Variants in ASCC3 observed in about 807,000 individuals in gnomAD.
ASCC3 encodes activating signal cointegrator 1 complex subunit 3.
ASCC3 carries 158 observed loss-of-function variants against 256.3 expected under a neutral mutation model. The observed-to-expected ratio is 0.62, with a 90% CI of 0.54 to 0.70. ASCC3 has a LOEUF of 0.70. Among genes scored for constraint, ASCC3 ranks in the 30% least tolerant of loss-of-function variants. The pLI, the probability that ASCC3 is intolerant of heterozygous loss-of-function variation, is 0.00. For missense variants in ASCC3, 2,259 were observed against 2,626.0 expected, an observed-to-expected ratio of 0.86 and a Z score of 3.05; for synonymous variants, 948 against 883.4, an observed-to-expected ratio of 1.07 and a Z score of -1.30.
intron 39 of ASCC3, 36 bp downstream of exon 39, chr6:100,516,144 A>T: frequency 6.2e-7 from 1 of 1,613,024 alleles, no homozygotes; most frequent in Non-Finnish European, 8.5e-7. Context: ...TTCTCAGAGT[A>T]GGGGAGCCTT....
Position 100,655,723 on chromosome 6 carries a change from A to G in ASCC3, c.2799T>C (p.Tyr933=). ...CCTGATAAGCCTTGTGACTGATGCCATATGCTAATGGATTTGCTCTCATCC... is the reference window on the plus strand; with the variant it reads ...CCTGATAAGCCTTGTGACTGATGCCGTATGCTAATGGATTTGCTCTCATCC... ...YVRMRANPLA[Y]GISHKAYQID... The change falls in exon 17 of 42, where the codon TAT becomes TAC. Residue 933 remains tyrosine (Y), a synonymous_variant. Coordinates refer to ENST00000369162, the MANE Select transcript of ASCC3 (RefSeq NM_006828.4). The G allele has an allele frequency of 6.2e-7, 1 of 1,611,446 alleles. No homozygotes were observed. The highest frequency in any genetic ancestry group is 1.1e-5 in the South Asian group (1 of 91,038).
At chr6:100,664,011 T>C (rs971261839) in intron 14 of ASCC3, among the ~76,000 whole-genome samples, 2 of 152,156 alleles carry the variant, frequency 1.3e-5, no homozygotes, top group African/African-American at 4.8e-5. Context: ...AGTATACTTA[T>C]ATGTCACCTG....
chr6:100,511,354 G>C (rs1773753687), intron 40 of ASCC3, among the ~76,000 whole-genome samples: 1 of 152,168 alleles, frequency 6.6e-6, no homozygotes. Flanking sequence ...GGAGGCGGAG[G>C]TTGCAGGGAG....
rs1309688959 is a variant in ASCC3, at chr6:100,606,721, G to C, written c.5044+19C>G. 1 of 1,585,668 alleles carries C rather than the reference G, an allele frequency of 6.3e-7. No individual in the cohort carries two copies. The highest frequency in any genetic ancestry group is 1.2e-5 in the South Asian group (1 of 84,402). ...GTAAAATAGAGCTTCATGTATTTCT[G>C]TGAATTTAAGAAAATTACCTGTAAT... On this transcript the variant is annotated intron_variant, in intron 32 of 41. Coordinates refer to ENST00000369162, the MANE Select transcript of ASCC3 (RefSeq NM_006828.4).
At chr6:100,802,467 G>A (rs1226702015) in intron 5 of ASCC3, among the ~76,000 whole-genome samples, 1 of 151,958 alleles carries the variant, frequency 6.6e-6, no homozygotes, top group Non-Finnish European at 1.5e-5. Context: ...TGTACATCCT[G>A]CAGAACTGTG....
chr6:100,605,903 G>GT (rs1772860460), intron 32 of ASCC3, among the ~76,000 whole-genome samples: 3 of 152,012 alleles, frequency 2.0e-5, no homozygotes, highest in Admixed American at 1.3e-4. Flanking sequence ...AAATAAGCAA[G>GT]TAACTATGAT....
chr6:100,681,742 A>AAAAAAAAAAAAAAAAG, intron 13 of ASCC3, among the ~76,000 whole-genome samples: 1 of 151,262 alleles, frequency 6.6e-6, no homozygotes, highest in East Asian at 1.9e-4. Context: ...AAAAAAAAAA[A>AAAAAAAAAAAAAAAAG]AAAAAGAAAA....
chr6:100,637,319 A>G (rs1434956761), intron 25 of ASCC3, among the ~76,000 whole-genome samples: 1 of 152,212 alleles, frequency 6.6e-6, no homozygotes, highest in East Asian at 1.9e-4. Context: ...AGCATGGTTT[A>G]TTGAATATTT....
At chr6:100,818,243 T>A (rs2114410963) in intron 4 of ASCC3, among the ~76,000 whole-genome samples, 1 of 152,186 alleles carries the variant, frequency 6.6e-6, no homozygotes, top group East Asian at 1.9e-4. Flanking sequence ...CTTGAAGGGA[T>A]CTTCCACAAT....
Position 100,577,176 on chromosome 6 carries a change from C to T in ASCC3, c.5550+12458G>A, listed in dbSNP as rs563604716. Among the ~76,000 whole-genome samples, 8 of 152,140 alleles carry T rather than the reference C, an allele frequency of 5.3e-5. No individual in the cohort carries two copies. The South Asian group carries it at 1.5e-3, about 28-fold the overall frequency. On this transcript the variant is annotated intron_variant, in intron 36 of 41. Transcript: ENST00000369162. Reference sequence around the variant, plus strand: ...AAATCACCTATCACACCAAATATGACAAGCACAATTCCATTTTCTATTTTA... The same window carrying T: ...AAATCACCTATCACACCAAATATGATAAGCACAATTCCATTTTCTATTTTA...
At chr6:100,564,913 C>T (rs1171368594) in intron 36 of ASCC3, among the ~76,000 whole-genome samples, 1 of 151,908 alleles carries the variant, frequency 6.6e-6, no homozygotes, top group Non-Finnish European at 1.5e-5. Context: ...ACATTTAGTC[C>T]CTCATTAAAA....
chr6:100,738,068 G>GT (rs1400550040), intron 10 of ASCC3, among the ~76,000 whole-genome samples: 2 of 151,638 alleles, frequency 1.3e-5, no homozygotes, highest in South Asian at 4.2e-4. Context: ...TTTTAATAAG[G>GT]TTTTTTTTCT....
intron 33 of ASCC3, among the ~76,000 whole-genome samples, chr6:100,604,398 C>T (rs779026754): frequency 9.2e-5 from 14 of 151,448 alleles, no homozygotes; most frequent in Non-Finnish European, 1.3e-4. Context: ...GAGTTTAATT[C>T]GCTATTTTTT....
intron 8 of ASCC3, among the ~76,000 whole-genome samples, chr6:100,787,696 G>C (rs982144422): frequency 1.3e-5 from 2 of 152,018 alleles, no homozygotes; most frequent in African/African-American, 4.8e-5. Flanking sequence ...TTTAACAAAC[G>C]TTTAACAAAC....
chr6:100,809,076 G>A (rs1770329718), intron 4 of ASCC3, among the ~76,000 whole-genome samples: 1 of 151,920 alleles, frequency 6.6e-6, no homozygotes. Flanking sequence ...TTGAGTCAGT[G>A]AGTGAGTAAT....
intron 3 of ASCC3, among the ~76,000 whole-genome samples, chr6:100,862,934 G>C (rs757741214): frequency 2.0e-5 from 3 of 152,128 alleles, no homozygotes; most frequent in Non-Finnish European, 2.9e-5. Context: ...CCAACACAGA[G>C]AGCAGCATGT....
intron 8 of ASCC3, among the ~76,000 whole-genome samples, chr6:100,772,559 T>C (rs1256281258): frequency 6.6e-6 from 1 of 152,256 alleles, no homozygotes; most frequent in African/African-American, 2.4e-5. Flanking sequence ...TTGCTTATGC[T>C]TTCATTTGGA....
chr6:100,722,057 C>T (rs1779365862), intron 11 of ASCC3, among the ~76,000 whole-genome samples: 1 of 151,974 alleles, frequency 6.6e-6, no homozygotes, highest in Admixed American at 6.6e-5. Context: ...ATATGGCTAA[C>T]CAGTTATCTC....
Position 100,522,232 on chromosome 6 carries a change from C to G in ASCC3, c.5776-4090G>C, listed in dbSNP as rs868290775. On this transcript the variant is annotated intron_variant, in intron 37 of 41. Coordinates refer to ENST00000369162, the MANE Select transcript of ASCC3 (RefSeq NM_006828.4). ...GGGCTGACTCTGTGTGTGACACTTTCTTCTACAAAGTTGGAATCAATTTCA... is the reference window on the plus strand; with the variant it reads ...GGGCTGACTCTGTGTGTGACACTTTGTTCTACAAAGTTGGAATCAATTTCA... 6.6e-5 allele frequency among the ~76,000 whole-genome samples: 10 copies of G among 152,148 alleles called. No homozygotes were observed. The Middle Eastern group carries it at 0.014, about 207-fold the overall frequency.
Sources: gnomAD v4.1 joint callset for allele counts (sites outside exome capture counted in the v4.1 genomes callset) on GRCh38, gnomAD v4.1.1 for gene constraint, MANE v1.5 for transcripts, NCBI Gene and HGNC (gene_info 2026-07-23, HGNC 2026-07-21) for gene names.